Variants in DGLUCY observed in about 807,000 individuals in gnomAD.
DGLUCY encodes D-glutamate cyclase, mitochondrial.
DGLUCY carries 58 observed loss-of-function variants against 58.5 expected under a neutral mutation model. The observed-to-expected ratio is 0.99, with a 90% CI of 0.80 to 1.23. The LOEUF (loss-of-function observed/expected upper bound fraction) is 1.23. Among genes scored for constraint, DGLUCY ranks in the 50% most tolerant of loss-of-function variants. DGLUCY has a pLI of 0.00. For missense variants in DGLUCY, 779 were observed against 784.7 expected, an observed-to-expected ratio of 0.99 and a Z score of 0.09; for synonymous variants, 325 against 314.1, an observed-to-expected ratio of 1.03 and a Z score of -0.37.
At chr14:91,119,066 A>G (rs2045184543) in intron 1 of DGLUCY, among the ~76,000 whole-genome samples, 1 of 152,180 alleles carries the variant, frequency 6.6e-6, no homozygotes. Flanking sequence ...GCTAAATTGT[A>G]AAAAAGATCC....
chr14:91,064,092 A>C (rs1306930762), intron 1 of DGLUCY, among the ~76,000 whole-genome samples: 5 of 152,240 alleles, frequency 3.3e-5, no homozygotes, highest in Non-Finnish European at 7.3e-5. Flanking sequence ...CAGTGTTTCT[A>C]GCGTGAGCAG....
intron 1 of DGLUCY, among the ~76,000 whole-genome samples, chr14:91,142,738 C>T (rs1292690614): frequency 6.6e-6 from 1 of 151,438 alleles, no homozygotes; most frequent in Non-Finnish European, 1.5e-5. Flanking sequence ...CTGAGGTGGG[C>T]AGATCACCTG....
chr14:91,167,012 G>A (rs982104942), intron 3 of DGLUCY, among the ~76,000 whole-genome samples: 1 of 151,210 alleles, frequency 6.6e-6, no homozygotes, highest in African/African-American at 2.4e-5. Flanking sequence ...GGTGGCAGAC[G>A]CCTGTGATCC....
rs1377075437 is a variant in DGLUCY at position 91,209,134 on chromosome 14, T to C, written c.1564+4309T>C. On this transcript the variant is annotated intron_variant, in intron 12 of 13. Coordinates refer to ENST00000256324, the MANE Select transcript of DGLUCY (RefSeq NM_001102368.3). ...TTCGAGACCAGCCTTGCCAACATGG[T>C]GAACTCCCATCTCTACTAAAATACA... 2.6e-5 allele frequency among the ~76,000 whole-genome samples: 4 copies of C among 151,578 alleles called. No individual in the cohort carries two copies. The East Asian group carries it at 7.8e-4, about 30-fold the overall frequency.
rs532309061 is a variant in DGLUCY at position 91,221,682 on chromosome 14, C to T, written c.1717-3002C>T. 7.2e-5 allele frequency among the ~76,000 whole-genome samples: 11 copies of T among 152,214 alleles called. 1 individual carries two copies. The South Asian group carries it at 1.5e-3, about 20-fold the overall frequency. On this transcript the variant is annotated intron_variant, in intron 13 of 13. Coordinates refer to ENST00000256324, the MANE Select transcript of DGLUCY (RefSeq NM_001102368.3). ...TGATGCAGAGAGGCAGGAACAGCCT[C>T]GGGCCTCATTCTGGGCTCCCATTCT... is the stretch of plus-strand genomic sequence containing the variant.
chr14:91,133,294 T>TCAA (rs748258195), intron 1 of DGLUCY, among the ~76,000 whole-genome samples: 52 of 151,952 alleles, frequency 3.4e-4, no homozygotes, highest in Middle Eastern at 3.4e-3. Flanking sequence ...AGACTCCGTC[T>TCAA]CAACAACAAC....
rs1488234361 is a variant in DGLUCY, at chr14:91,204,774, C to T, written c.1513C>T (p.His505Tyr). 2 of 1,614,142 alleles carry T rather than the reference C, an allele frequency of 1.2e-6. No individual in the cohort carries two copies. The highest frequency in any genetic ancestry group is 1.7e-6 in the Non-Finnish European group (2 of 1,180,014). The change falls in exon 12 of 14, where the codon CAC becomes TAC. Residue 505 changes from histidine (H) to tyrosine (Y), a missense_variant. By Grantham distance (83) the His-to-Tyr change is moderately conservative. Transcript: ENST00000256324. ...GGAGGCTGTGAGGAGGCACATACGG[C>T]ACGGGGATGTCATCGCCTGCGACGT... ...VKEAVRRHIR[H>Y]GDVIACDVEA... is the part of the protein sequence containing the mutation.
intron 11 of DGLUCY, among the ~76,000 whole-genome samples, chr14:91,201,263 G>A (rs1430600064): frequency 6.6e-6 from 1 of 151,560 alleles, no homozygotes; most frequent in African/African-American, 2.4e-5. Flanking sequence ...GGTCACAGGG[G>A]ATATGATGGC....
intron 3 of DGLUCY, chr14:91,165,166 C>T: frequency 2.2e-6 from 1 of 452,648 alleles, no homozygotes; most frequent in South Asian, 1.6e-5. Flanking sequence ...AGTATAGTTC[C>T]TTTAATGACA....
chr14:91,217,410 C>A (rs1449945718), intron 13 of DGLUCY, among the ~76,000 whole-genome samples: 2 of 151,998 alleles, frequency 1.3e-5, no homozygotes, highest in East Asian at 3.9e-4. Context: ...GCTACAAGTC[C>A]CCTGCCAGTG....
intron 1 of DGLUCY, among the ~76,000 whole-genome samples, chr14:91,069,442 A>C (rs556162849): frequency 2.2e-4 from 33 of 151,018 alleles, no homozygotes; most frequent in Non-Finnish European, 4.1e-4. Flanking sequence ...TGCCCAGCTA[A>C]ATTTTTTTTG....
At chr14:91,211,071 T>C (rs568259548) in intron 12 of DGLUCY, among the ~76,000 whole-genome samples, 1 of 152,280 alleles carries the variant, frequency 6.6e-6, no homozygotes, top group South Asian at 2.1e-4. Context: ...ACAAGTGGAA[T>C]TTAAAATTAA....
rs116639504 is a variant in DGLUCY at position 91,062,831 on chromosome 14, C to T, written c.-82+2127C>T. On this transcript the variant is annotated intron_variant, in intron 1 of 4. Transcript: ENST00000521334. ...TGCCTACTTACTTGTCTTTCTCCTG[C>T]AAAAGTCATGTGCTATTTGGAGCCA... Among the ~76,000 whole-genome samples the T allele has an allele frequency of 1.6e-3, 239 of 151,946 alleles. 1 individual carries two copies. The highest frequency in any genetic ancestry group is 5.4e-3 in the African/African-American group (223 of 41,420).
intron 12 of DGLUCY, among the ~76,000 whole-genome samples, chr14:91,209,967 T>C (rs1595929059): frequency 6.6e-6 from 1 of 151,966 alleles, no homozygotes; most frequent in Non-Finnish European, 1.5e-5. Flanking sequence ...TACATAATGA[T>C]AAAGGGGCCA....
intron 10 of DGLUCY, among the ~76,000 whole-genome samples, chr14:91,197,163 C>T (rs1251476614): frequency 1.3e-5 from 2 of 152,202 alleles, no homozygotes; most frequent in Admixed American, 1.3e-4. Context: ...GATGGGGTTT[C>T]ACCATGTTGG....
intron 1 of DGLUCY, among the ~76,000 whole-genome samples, chr14:91,102,897 G>A (rs910870746): frequency 6.6e-6 from 1 of 151,896 alleles, no homozygotes; most frequent in African/African-American, 2.4e-5. Flanking sequence ...AAGTAGCTGG[G>A]ATTGCAGGTA....
chr14:91,160,920 GTC>G (rs1349137033), intron 3 of DGLUCY, among the ~76,000 whole-genome samples: 1 of 152,118 alleles, frequency 6.6e-6, no homozygotes, highest in East Asian at 1.9e-4. Flanking sequence ...AAAAAGACTC[GTC>G]TGGTTATGGT....
chr14:91,062,558 AATATATATATATATATATATAT>A (rs1157690131), intron 1 of DGLUCY, among the ~76,000 whole-genome samples: 1 of 23,694 alleles, frequency 4.2e-5, no homozygotes, highest in African/African-American at 2.0e-4. Context: ...AAAAAAAAAA[AATATATATATATATATATATAT>A]ATATATATAT....
chr14:91,164,033 T>G (rs1398750596), intron 3 of DGLUCY, among the ~76,000 whole-genome samples: 1 of 152,146 alleles, frequency 6.6e-6, no homozygotes, highest in Non-Finnish European at 1.5e-5. Context: ...CACTGCAGCC[T>G]CCATCTCCCA....
Sources: allele counts gnomAD v4.1 joint callset (sites outside exome capture counted in the v4.1 genomes callset), GRCh38; gene constraint gnomAD v4.1.1; transcripts MANE v1.5; gene names NCBI Gene and HGNC (gene_info 2026-07-23, HGNC 2026-07-21).